TAF4: variants seen among roughly 807,000 people sequenced by gnomAD.
The protein encoded by TAF4 is TATA-box binding protein associated factor 4, also known as transcription initiation factor TFIID subunit 4.
Under a neutral mutation model 90.3 loss-of-function variants are expected in TAF4, and 9 were observed. The ratio of observed to expected loss-of-function variants is 0.10; its 90% CI spans 0.06 to 0.17. TAF4 has a LOEUF of 0.17. Ranked by LOEUF, TAF4 falls within the 10% of genes least tolerant of loss-of-function variation. TAF4 has a pLI of 1.00. For missense variants in TAF4, 1,351 were observed against 1,370.7 expected, an observed-to-expected ratio of 0.99 and a Z score of 0.23; for synonymous variants, 818 against 638.9, an observed-to-expected ratio of 1.28 and a Z score of -4.23.
chr20:62,010,248 G>A lies in TAF4; in HGVS notation c.1642-83C>T, dbSNP rs2055771095. On this transcript the variant is annotated intron_variant, in intron 3 of 14. Transcript: ENST00000252996. The surrounding 1 kb of genome is among the most constrained non-coding windows in gnomAD (Gnocchi z 4.5). ...GAGACCAGCCTCACGCCCAGCAAAA[G>A]AAAACAAGCCTCCCTGCGGTGGCCA... 1 of 1,598,444 alleles carries A rather than the reference G, an allele frequency of 6.3e-7. No individual in the cohort carries two copies. The highest frequency in any genetic ancestry group is 8.5e-7 in the Non-Finnish European group (1 of 1,172,760).
chr20:62,059,230 G>A (rs949624571), intron 1 of TAF4, among the ~76,000 whole-genome samples: 3 of 152,342 alleles, frequency 2.0e-5, no homozygotes, highest in South Asian at 2.1e-4. Context: ...TGGGACCACC[G>A]CGGACTGACC....
chr20:62,022,567 T>C (rs1886008), intron 1 of TAF4, among the ~76,000 whole-genome samples: 21,481 of 152,134 alleles, frequency 0.14, 1,856 homozygotes, highest in East Asian at 0.45. Context: ...CACGTGGTGA[T>C]GGCCCAGATG....
chr20:62,031,857 G>A (rs2055906244), intron 1 of TAF4, among the ~76,000 whole-genome samples: 1 of 152,094 alleles, frequency 6.6e-6, no homozygotes, highest in Non-Finnish European at 1.5e-5. Context: ...GGGCTCGCAG[G>A]GAAGGCCCCG....
At chr20:62,043,686 C>T (rs2055976583) in intron 1 of TAF4, among the ~76,000 whole-genome samples, 2 of 152,166 alleles carry the variant, frequency 1.3e-5, no homozygotes, top group South Asian at 4.1e-4. Context: ...AACTCACTAT[C>T]GTGTTACAAC....
intron 14 of TAF4, among the ~76,000 whole-genome samples, chr20:61,997,167 T>G (rs1379103874): frequency 6.6e-6 from 1 of 152,144 alleles, no homozygotes; most frequent in African/African-American, 2.4e-5. Context: ...CAGCAATTCT[T>G]CCCCTTCATT....
chr20:61,994,123 A>G (rs2055648704), intron 14 of TAF4, among the ~76,000 whole-genome samples: 1 of 151,862 alleles, frequency 6.6e-6, no homozygotes, highest in African/African-American at 2.4e-5. Flanking sequence ...AAAAAAGGCT[A>G]ATCAATATCT....
intron 1 of TAF4, among the ~76,000 whole-genome samples, chr20:62,061,241 C>T (rs1384802279): frequency 6.6e-6 from 1 of 152,242 alleles, no homozygotes; most frequent in East Asian, 1.9e-4. Flanking sequence ...AAATCCAACC[C>T]GTCCCAACAG....
Position 62,006,483 on chromosome 20 carries a change from C to T in TAF4, c.2223+27G>A. On this transcript the variant is annotated intron_variant, in intron 7 of 14. Transcript: ENST00000252996. This position sits in a 1 kb window ranked among gnomAD's most constrained non-coding sequence, Gnocchi z 7.0. ...GGGAGCAGAGGCACGGTGGGCTGTG[C>T]AGACCAGTCAGGCGCCCCTTCCATA... 1 of 1,465,864 alleles carries T rather than the reference C, an allele frequency of 6.8e-7. No homozygotes were observed. The highest frequency in any genetic ancestry group is 1.4e-5 in the African/African-American group (1 of 69,474). The allele number at this position is 1,465,864 out of a possible 1,614,324, so 90.8% of individuals were successfully genotyped here. A position where few individuals can be genotyped will look rare whatever the true frequency, so the allele number is the denominator to read the frequency against.
intron 1 of TAF4, among the ~76,000 whole-genome samples, chr20:62,044,851 C>A (rs6089624): frequency 1.3e-5 from 2 of 152,106 alleles, no homozygotes; most frequent in African/African-American, 2.4e-5. Flanking sequence ...AAGGCTCCTC[C>A]GGGAAGAGAC....
chr20:62,003,023 C>T, intron 9 of TAF4, 137 bp downstream of exon 9: 2 of 630,142 alleles, frequency 3.2e-6, no homozygotes, highest in Non-Finnish European at 5.6e-6. Context: ...TCAAAGTGAG[C>T]GTGAAGCAGG....
chr20:61,979,493 C>G (rs1186599568), intron 14 of TAF4, among the ~76,000 whole-genome samples: 1 of 138,158 alleles, frequency 7.2e-6, no homozygotes, highest in East Asian at 2.3e-4. Context: ...GACTGCGGCC[C>G]GTGCAGGCGC....
chr20:62,006,932 C>T lies in TAF4; in HGVS notation c.1975-174G>A. Reference sequence around the variant, plus strand: ...AGGGCCAGGACCCCATCCTGCCCTCCCACTAAGTGGGATTATTCCTGATAG... The same window carrying T: ...AGGGCCAGGACCCCATCCTGCCCTCTCACTAAGTGGGATTATTCCTGATAG... On this transcript the variant is annotated intron_variant, in intron 6 of 14. Coordinates refer to ENST00000252996, the MANE Select transcript of TAF4 (RefSeq NM_003185.4). This position sits in a 1 kb window ranked among gnomAD's most constrained non-coding sequence, Gnocchi z 7.0. The T allele has an allele frequency of 1.2e-6, 1 of 801,656 alleles. No homozygotes were observed. The highest frequency in any genetic ancestry group is 1.7e-6 in the Non-Finnish European group (1 of 583,444). 49.7% of individuals were successfully genotyped at this position (801,656 alleles called of 1,614,324 possible).
In TAF4 at chr20:61,990,659, C is replaced by A. The variant is rs978910455; in HGVS notation, c.3090+6891G>T. 2.6e-5 allele frequency among the ~76,000 whole-genome samples: 4 copies of A among 152,280 alleles called. No individual in the cohort carries two copies. In the East Asian group the frequency reaches 5.8e-4, roughly 22 times the overall value. ...GAGGGCAGCCTGGCCACCGCAAATG[C>A]CCACACTGACCTGCCAGGGCTCCTG... On this transcript the variant is annotated intron_variant, in intron 14 of 14. Transcript: ENST00000252996.
intron 1 of TAF4, among the ~76,000 whole-genome samples, chr20:62,025,078 G>A (rs1349070309): frequency 6.6e-6 from 1 of 152,134 alleles, no homozygotes; most frequent in East Asian, 1.9e-4. Context: ...CAGAGCTCCT[G>A]GGCACCACTG....
At chr20:62,042,432 A>G (rs2055968889) in intron 1 of TAF4, among the ~76,000 whole-genome samples, 4 of 152,228 alleles carry the variant, frequency 2.6e-5, no homozygotes, top group Admixed American at 2.6e-4. Context: ...GGACTCGGGT[A>G]CCGAGAGGGC....
intron 7 of TAF4, chr20:62,005,697 G>A (rs764685793): frequency 1.3e-5 from 2 of 152,168 alleles, no homozygotes; most frequent in African/African-American, 2.4e-5. Flanking sequence ...TGTTCTCCTC[G>A]CTATTATCAA....
chr20:61,982,227 CACTGAGAGGAAA>C, intron 14 of TAF4, among the ~76,000 whole-genome samples: 1 of 7,818 alleles, frequency 1.3e-4, no homozygotes, highest in East Asian at 7.7e-3. Context: ...AACCCACACC[CACTGAGAGGAAA>C]CACCAAACCC....
intron 14 of TAF4, among the ~76,000 whole-genome samples, chr20:61,989,406 C>CCA (rs2055616686): frequency 6.6e-6 from 1 of 152,186 alleles, no homozygotes; most frequent in Non-Finnish European, 1.5e-5. Context: ...CAAGAAGCTC[C>CCA]CACCAAGCAA....
intron 14 of TAF4, among the ~76,000 whole-genome samples, chr20:61,978,043 G>GACCAACCAAGGGAGGGCGCGAC (rs1208327356): frequency 2.6e-4 from 31 of 119,916 alleles, no homozygotes; most frequent in East Asian, 1.9e-3. Flanking sequence ...GAGGGCACGA[G>GACCAACCAAGGGAGGGCGCGAC]ACCAACCAAG....
Sources: gnomAD v4.1 joint callset for allele counts (sites outside exome capture counted in the v4.1 genomes callset) on GRCh38, gnomAD v4.1.1 for gene constraint, Gnocchi (gnomAD v3.1) non-coding constraint, MANE v1.5 for transcripts, NCBI Gene and HGNC (gene_info 2026-07-23, HGNC 2026-07-21) for gene names.